DACH2: variants seen among roughly 807,000 people sequenced by gnomAD.
DACH2 encodes the protein dachshund family transcription factor 2.
Under a neutral mutation model 35.8 loss-of-function variants are expected in DACH2, and 17 were observed. The ratio of observed to expected loss-of-function variants is 0.48; its 90% CI spans 0.33 to 0.71. DACH2 has a LOEUF of 0.71. Ranked by LOEUF, DACH2 falls within the 30% of genes least tolerant of loss-of-function variation. The pLI is 0.02. For synonymous variants in DACH2, 195 were observed against 177.3 expected, an observed-to-expected ratio of 1.10 and a Z score of -0.79; for missense variants, 469 against 472.7, an observed-to-expected ratio of 0.99 and a Z score of 0.07.
At chrX:86,265,374 T>C (rs1004498638) in intron 1 of DACH2, among the ~76,000 whole-genome samples, 1 of 111,756 alleles carries the variant, frequency 8.9e-6, no homozygotes, top group African/African-American at 3.2e-5. Flanking sequence ...CACTTTTTTT[T>C]CCCCTTTCAG....
intron 1 of DACH2, among the ~76,000 whole-genome samples, chrX:86,206,616 T>A (rs1411924464): frequency 1.8e-5 from 2 of 112,522 alleles, no homozygotes; most frequent in African/African-American, 6.5e-5. Flanking sequence ...GTAGTTCAAG[T>A]CATGGCTCCT....
chrX:86,265,752 G>A (rs1007841077), intron 1 of DACH2, among the ~76,000 whole-genome samples: 2 of 111,749 alleles, frequency 1.8e-5, no homozygotes, highest in African/African-American at 6.5e-5. Context: ...TGAAACTTTT[G>A]TGGAGGAGAG....
chrX:86,423,397 G>T (rs748897472), intron 2 of DACH2, among the ~76,000 whole-genome samples: 2 of 111,073 alleles, frequency 1.8e-5, no homozygotes, highest in African/African-American at 6.5e-5. Flanking sequence ...TGTAGTTTTT[G>T]ATTTGCATTT....
intron 11 of DACH2, among the ~76,000 whole-genome samples, chrX:86,816,744 T>A (rs1443082927): frequency 8.9e-6 from 1 of 111,993 alleles, no homozygotes; most frequent in Non-Finnish European, 1.9e-5. Flanking sequence ...CAAAAGCACA[T>A]AAAAATGAGT....
intron 7 of DACH2, among the ~76,000 whole-genome samples, chrX:86,779,948 A>T (rs1037389032): frequency 9.0e-6 from 1 of 111,038 alleles, no homozygotes; most frequent in Admixed American, 9.6e-5. Context: ...CTGCTCATGG[A>T]CTAGGAACAT....
At chrX:86,658,558 C>T (rs1351623477) in intron 4 of DACH2, among the ~76,000 whole-genome samples, 2 of 111,353 alleles carry the variant, frequency 1.8e-5, no homozygotes, top group East Asian at 2.8e-4. Context: ...TGAATAACAA[C>T]GTGTTCATGT....
chrX:86,317,584 ACTTAT>A (rs1346323426), intron 1 of DACH2, among the ~76,000 whole-genome samples: 1 of 112,247 alleles, frequency 8.9e-6, no homozygotes, highest in Non-Finnish European at 1.9e-5. Context: ...GTTAAAAACA[ACTTAT>A]GATAGGACTG....
chrX:86,395,740 G>A (rs752066556), intron 2 of DACH2, among the ~76,000 whole-genome samples: 30 of 112,063 alleles, frequency 2.7e-4, no homozygotes, highest in African/African-American at 8.8e-4. Flanking sequence ...TGGCTGCATA[G>A]TATTCCATGG....
intron 4 of DACH2, among the ~76,000 whole-genome samples, chrX:86,689,341 T>C (rs1602790793): frequency 9.0e-6 from 1 of 111,432 alleles, no homozygotes; most frequent in East Asian, 2.8e-4. Context: ...CATGCCTCGT[T>C]TTCCATTCAT....
intron 3 of DACH2, among the ~76,000 whole-genome samples, chrX:86,579,482 A>C (rs1054041084): frequency 9.0e-6 from 1 of 111,192 alleles, no homozygotes; most frequent in Non-Finnish European, 1.9e-5. Context: ...TGGACAAAAA[A>C]AAAATGCACT....
At chrX:86,335,921 C>A (rs187822270) in intron 1 of DACH2, among the ~76,000 whole-genome samples, 74 of 111,552 alleles carry the variant, frequency 6.6e-4, no homozygotes, top group African/African-American at 2.3e-3. Context: ...GAGATACGTT[C>A]CATCAATACC....
At chrX:86,290,897 G>A (rs2034273548) in intron 1 of DACH2, among the ~76,000 whole-genome samples, 1 of 107,616 alleles carries the variant, frequency 9.3e-6, no homozygotes, top group African/African-American at 3.4e-5. Flanking sequence ...GATTGACTTG[G>A]CGATGCGGGC....
intron 7 of DACH2, among the ~76,000 whole-genome samples, chrX:86,776,977 C>T (rs2042040330): frequency 9.0e-6 from 1 of 111,703 alleles, no homozygotes; most frequent in South Asian, 3.7e-4. Flanking sequence ...TTTCTTAATC[C>T]AGTCTATCAT....
At chrX:86,425,198 A>C (rs772929583) in intron 2 of DACH2, among the ~76,000 whole-genome samples, 1 of 110,524 alleles carries the variant, frequency 9.0e-6, no homozygotes, top group African/African-American at 3.3e-5. Context: ...TCATAGAATG[A>C]GTTTGGAAGT....
intron 3 of DACH2, among the ~76,000 whole-genome samples, chrX:86,642,591 A>G (rs1177742847): frequency 8.9e-6 from 1 of 111,873 alleles, no homozygotes; most frequent in Non-Finnish European, 1.9e-5. Context: ...TAAACTCAGC[A>G]TTGGACCAAA....
At chrX:86,504,917 G>A (rs1316371140) in intron 2 of DACH2, among the ~76,000 whole-genome samples, 2 of 111,742 alleles carry the variant, frequency 1.8e-5, no homozygotes, top group Non-Finnish European at 3.8e-5. Context: ...AAGGAATGGG[G>A]AAGGGAAAAT....
rs774747041 is a variant in DACH2 at position 86,428,783 on chromosome X, T to A, written c.527+51921T>A. 1.2e-3 allele frequency among the ~76,000 whole-genome samples: 137 copies of A among 110,247 alleles called. No homozygotes were observed. The East Asian group carries it at 0.015, about 12-fold the overall frequency. On this transcript the variant is annotated intron_variant, in intron 2 of 11. Coordinates refer to ENST00000373125, the MANE Select transcript of DACH2 (RefSeq NM_053281.3). ...CTAGGTTTTTTGAAAAAAAAAAAAATTTCAAACTCTTTAATGGCCTGGATT... is the reference window on the plus strand; with the variant it reads ...CTAGGTTTTTTGAAAAAAAAAAAAAATTCAAACTCTTTAATGGCCTGGATT...
chrX:86,332,747 T>C (rs913978078), intron 1 of DACH2, among the ~76,000 whole-genome samples: 1 of 111,934 alleles, frequency 8.9e-6, no homozygotes, highest in Non-Finnish European at 1.9e-5. Flanking sequence ...TATTTCTTTG[T>C]CTTTTGTGTT....
chrX:86,300,549 G>T (rs1268025161), intron 1 of DACH2, among the ~76,000 whole-genome samples: 2 of 107,623 alleles, frequency 1.9e-5, no homozygotes, highest in East Asian at 5.8e-4. Context: ...GGAAGGGAGA[G>T]GGGGGAGGGA....
Sources: allele counts gnomAD v4.1 joint callset (sites outside exome capture counted in the v4.1 genomes callset), GRCh38; gene constraint gnomAD v4.1.1; transcripts MANE v1.5; gene names NCBI Gene and HGNC (gene_info 2026-07-23, HGNC 2026-07-21).